The following TRPC6 variants were observed in gnomAD, a reference collection of about 807,000 sequenced individuals.
The protein encoded by TRPC6 is short transient receptor potential channel 6.
Under a neutral mutation model 90.7 loss-of-function variants are expected in TRPC6, and 55 were observed. The ratio of observed to expected loss-of-function variants is 0.61; its 90% CI spans 0.49 to 0.76. TRPC6 has a LOEUF of 0.76. Among genes scored for constraint, TRPC6 ranks in the 30% least tolerant of loss-of-function variants. The pLI is 0.00. For missense variants in TRPC6, 989 were observed against 1,122.7 expected, an observed-to-expected ratio of 0.88 and a Z score of 1.70; for synonymous variants, 393 against 393.0, an observed-to-expected ratio of 1.00 and a Z score of 0.00.
chr11:101,583,764 T>A lies in TRPC6; in HGVS notation c.-261A>T, dbSNP rs1460044600. ...TCAGGCCGAGGAGACCCCGCGAGGA[T>A]GCGTCTGGGGCGCCCGGGCAGAGAG... On this transcript the variant is annotated 5_prime_UTR_variant, in exon 1 of 13. Transcript: ENST00000344327. 1 of 387,812 alleles carries A rather than the reference T, an allele frequency of 2.6e-6. No individual in the cohort carries two copies. Among genetic ancestry groups the A allele is most frequent in the Non-Finnish European group, 4.6e-6 (1 of 219,724 alleles). The allele number at this position is 387,812 out of a possible 1,614,324, so 24.0% of individuals were successfully genotyped here.
At chr11:101,497,905 A>ATT (rs1273353719) in intron 2 of TRPC6, among the ~76,000 whole-genome samples, 1 of 151,936 alleles carries the variant, frequency 6.6e-6, no homozygotes, top group South Asian at 2.1e-4. Context: ...AAAAGAGGGG[A>ATT]TTTTTAAGAG....
chr11:101,571,294 C>T (rs1861958626), intron 1 of TRPC6, among the ~76,000 whole-genome samples: 1 of 152,084 alleles, frequency 6.6e-6, no homozygotes, highest in African/African-American at 2.4e-5. Context: ...AATAAAATAC[C>T]TAGGAATCCA....
intron 2 of TRPC6, among the ~76,000 whole-genome samples, chr11:101,497,414 C>T (rs566858456): frequency 2.2e-4 from 33 of 152,334 alleles, no homozygotes; most frequent in African/African-American, 7.0e-4. Context: ...CTTTTCAAAG[C>T]AGCCATTTTC....
At chr11:101,511,516 G>GA in intron 1 of TRPC6, among the ~76,000 whole-genome samples, 1 of 151,946 alleles carries the variant, frequency 6.6e-6, no homozygotes, top group African/African-American at 2.4e-5. Context: ...ACCCTACACA[G>GA]AAAAAAAGGA....
At chr11:101,501,724 G>T (rs10791488) in intron 2 of TRPC6, among the ~76,000 whole-genome samples, 68,055 of 150,306 alleles carry the variant, frequency 0.45, 15,502 homozygotes, top group African/African-American at 0.53. Context: ...AATCTTTTCT[G>T]GTTTGTTTTT....
chr11:101,454,932 T>C (rs1858849086), intron 11 of TRPC6, 86 bp downstream of exon 11: 2 of 1,047,688 alleles, frequency 1.9e-6, no homozygotes, highest in Non-Finnish European at 2.8e-6. Context: ...TTGAGAAAAA[T>C]ATCCTGATAC....
chr11:101,583,347 A>T lies in TRPC6; in HGVS notation c.157T>A (p.Tyr53Asn). The change falls in exon 1 of 13, where the codon TAC (tyrosine) becomes AAC (asparagine). Residue 53 changes from tyrosine (Y) to asparagine (N), a missense_variant. Physicochemically the swap from Tyr to Asn is moderately radical, Grantham distance 143. Around this residue, in one of 4 missense-constraint regions of TRPC6, gnomAD observed 194 missense variants for 136.5 expected, o/e 1.42. Coordinates refer to ENST00000344327, the MANE Select transcript of TRPC6 (RefSeq NM_004621.6). ...CPQAPLPCYG[Y>N]YPCFRGSDNR... is the part of the protein sequence containing the mutation. ...GCCGGCACTCACAAGCAGGGGTAGT[A>T]GCCGTAGCAAGGCAGCGGGGCTTGC... is the stretch of plus-strand genomic sequence containing the variant. 6.3e-7 allele frequency: 1 copy of T among 1,591,856 alleles called. No individual in the cohort carries two copies. The highest frequency in any genetic ancestry group is 8.5e-7 in the Non-Finnish European group (1 of 1,169,644).
chr11:101,483,676 G>C (rs1333480084), intron 4 of TRPC6, among the ~76,000 whole-genome samples: 2 of 152,114 alleles, frequency 1.3e-5, no homozygotes, highest in Non-Finnish European at 2.9e-5. Context: ...TGAGTACCAA[G>C]AAGAGAACTC....
chr11:101,454,776 C>T (rs1858845867), intron 11 of TRPC6, among the ~76,000 whole-genome samples: 1 of 151,994 alleles, frequency 6.6e-6, no homozygotes, highest in Non-Finnish European at 1.5e-5. Context: ...TTTGCCTTTT[C>T]AATGAACACT....
intron 1 of TRPC6, among the ~76,000 whole-genome samples, chr11:101,516,162 T>C (rs1274494321): frequency 6.6e-6 from 1 of 150,898 alleles, no homozygotes; most frequent in African/African-American, 2.4e-5. Flanking sequence ...CTGTGAAAAT[T>C]TGTGGATTTC....
In TRPC6 at chr11:101,477,497, T is replaced by A. The variant is rs1020536347; in HGVS notation, c.1511-963A>T. 3.9e-5 allele frequency among the ~76,000 whole-genome samples: 6 copies of A among 152,308 alleles called. No homozygotes were observed. The East Asian group carries it at 1.2e-3, about 29-fold the overall frequency. On this transcript the variant is annotated intron_variant, in intron 5 of 12. Coordinates refer to ENST00000344327, the MANE Select transcript of TRPC6 (RefSeq NM_004621.6). ...CAGCACAGTGACAGCCTAGATGGGATGACAGGAACTTATTAATAGTAGTTG... is the reference window on the plus strand; with the variant it reads ...CAGCACAGTGACAGCCTAGATGGGAAGACAGGAACTTATTAATAGTAGTTG...
At chr11:101,514,061 T>C (rs1860459835) in intron 1 of TRPC6, among the ~76,000 whole-genome samples, 2 of 152,220 alleles carry the variant, frequency 1.3e-5, no homozygotes, top group Admixed American at 6.5e-5. Flanking sequence ...CTTTCATTTA[T>C]TGAAACCAAA....
intron 1 of TRPC6, among the ~76,000 whole-genome samples, chr11:101,578,815 C>G (rs1321303626): frequency 6.6e-6 from 1 of 152,128 alleles, no homozygotes; most frequent in African/African-American, 2.4e-5. Context: ...GCTATACATT[C>G]TTTAACCAAG....
rs200869151 is a variant in TRPC6 at position 101,491,833 on chromosome 11, A to ATTTTTTTTT, written c.946-96_946-95insAAAAAAAAA. The ATTTTTTTTT allele has an allele frequency of 3.3e-5, 26 of 782,358 alleles. 1 individual carries two copies. In the African/African-American group the frequency reaches 4.4e-4, roughly 13 times the overall value. The allele number at this position is 782,358 out of a possible 1,614,324, so 48.5% of individuals were successfully genotyped here. On this transcript the variant is annotated intron_variant, in intron 2 of 12. Coordinates refer to ENST00000344327, the MANE Select transcript of TRPC6 (RefSeq NM_004621.6). ...AAGGATTTTATACTTTAAGAGAAAC[A>ATTTTTTTTT]TTCTTTTTTTTTTTTTTTTTTTTTT...
In TRPC6 at chr11:101,557,839, A is replaced by G. The variant is rs191217936; in HGVS notation, c.170+25495T>C. 3.0e-4 allele frequency among the ~76,000 whole-genome samples: 46 copies of G among 152,310 alleles called. 1 individual carries two copies. In the East Asian group the frequency reaches 7.5e-3, roughly 25 times the overall value. ...GTGACTGTCTTCTACAAGGAAAACT[A>G]TAAAATGTTGATAAAACAAATTGAG... On this transcript the variant is annotated intron_variant, in intron 1 of 12. Transcript: ENST00000344327.
chr11:101,546,968 C>T (rs1166063529), intron 1 of TRPC6, among the ~76,000 whole-genome samples: 1 of 152,016 alleles, frequency 6.6e-6, no homozygotes, highest in Non-Finnish European at 1.5e-5. Flanking sequence ...CAAATGACAT[C>T]ATCCACTTAT....
At position 101,476,473 on chromosome 11, in the gene TRPC6, C is replaced by A. The variant is rs201258942; in HGVS notation, c.1572G>T (p.Glu524Asp). 11 of 1,614,016 alleles carry A rather than the reference C, an allele frequency of 6.8e-6. No individual in the cohort carries two copies. The highest frequency in any genetic ancestry group is 3.3e-5 in the Admixed American group (2 of 59,988). The change falls in exon 6 of 13, where the codon GAG becomes GAT. Residue 524 changes from glutamate to aspartate, a missense_variant. Physicochemically the swap from Glu to Asp is conservative, Grantham distance 45. Transcript: ENST00000344327. The stretch of plus-strand genomic sequence containing the variant: ...TACCAAAATCAAGCATGTTCCACAA[C>A]TCAAACAAATATTCCTTGGGGCCCT... ...WTQGPKEYLF[E>D]LWNMLDFGML...
intron 1 of TRPC6, among the ~76,000 whole-genome samples, chr11:101,577,996 TA>T: frequency 7.7e-6 from 1 of 130,110 alleles, no homozygotes; most frequent in Admixed American, 7.4e-5. Context: ...ATCCAGATGC[TA>T]TTTCATTAAA....
intron 1 of TRPC6, among the ~76,000 whole-genome samples, chr11:101,582,491 C>T (rs1390761771): frequency 6.6e-6 from 1 of 151,978 alleles, no homozygotes; most frequent in Admixed American, 6.6e-5. Context: ...ACAGCGGTGT[C>T]GGGGAAGCGG....
Sources: allele counts gnomAD v4.1 joint callset (sites outside exome capture counted in the v4.1 genomes callset), GRCh38; gene constraint gnomAD v4.1.1; regional missense constraint gnomAD v4.1.1; transcripts MANE v1.5; gene names NCBI Gene and HGNC (gene_info 2026-07-23, HGNC 2026-07-21).